The following SLC24A2 variants were observed in gnomAD, a reference collection of about 807,000 sequenced individuals.
SLC24A2 encodes the protein solute carrier family 24 member 2, also known as sodium/potassium/calcium exchanger 2.
In SLC24A2, 36 loss-of-function variants were observed where a neutral mutation model predicts 62.0. The observed-to-expected ratio is 0.58, with a 90% confidence interval of 0.44 to 0.77. The LOEUF (loss-of-function observed/expected upper bound fraction) is 0.77. Among genes scored for constraint, SLC24A2 ranks in the 30% least tolerant of loss-of-function variants. The probability of loss-of-function intolerance (pLI) is 0.00; values close to 1 mark genes in which losing one functional copy is unlikely to be tolerated. For missense variants in SLC24A2, 846 were observed against 817.9 expected (o/e 1.03, Z -0.42); for synonymous variants, 358 against 294.0 (o/e 1.22, Z -2.23).
chr9:19,513,175 T>TATATATATATAC lies in SLC24A2; in HGVS notation c.*2977_*2978insGTATATATATAT, dbSNP rs1491372485. 3 of 59,014 alleles carry TATATATATATAC rather than the reference T, an allele frequency of 5.1e-5. No individual in the cohort carries two copies. The highest frequency in any genetic ancestry group is 2.0e-4 in the African/African-American group (3 of 15,072). 3.7% of individuals were successfully genotyped at this position (59,014 alleles called of 1,614,324 possible). A position where few individuals can be genotyped will look rare whatever the true frequency, so the allele number is the denominator to read the frequency against. On this transcript the variant is annotated 3_prime_UTR_variant, in exon 11 of 11. Transcript: ENST00000341998. ...AAAGATATATATATATATATATATA[T>TATATATATATAC]GTATATATATATATATGTATATATT... is the stretch of plus-strand genomic sequence containing the variant.
intron 5 of SLC24A2, among the ~76,000 whole-genome samples, chr9:19,587,306 G>T (rs1235483187): frequency 6.6e-6 from 1 of 152,128 alleles, no homozygotes; most frequent in African/African-American, 2.4e-5. Context: ...TTGTAAAGTG[G>T]AAGATTTTAT....
the SLC24A2 span, among the ~76,000 whole-genome samples, chr9:19,820,054 TACAC>T: frequency 0.045 from 835 of 18,452 alleles, 29 homozygotes; most frequent in African/African-American, 0.067. Context: ...TATATATATA[TACAC>T]ATATATATAT....
intron 8 of SLC24A2, among the ~76,000 whole-genome samples, chr9:19,533,724 T>A (rs959103839): frequency 6.6e-6 from 1 of 152,160 alleles, no homozygotes; most frequent in South Asian, 2.1e-4. Context: ...ACAACCCAAA[T>A]TGCCAATTCA....
At chr9:20,173,947 C>CA in the SLC24A2 span, among the ~76,000 whole-genome samples, 1 of 151,982 alleles carries the variant, frequency 6.6e-6, no homozygotes, top group Non-Finnish European at 1.5e-5. Flanking sequence ...TAATTTCAAA[C>CA]TATACTAGAA....
rs1160457308 is a variant in SLC24A2, at chr9:19,511,964, C to G, written c.*4189G>C. ...TGCCATCAGACCCATGTTAGATAGT[C>G]CAACGCAGTAATTTCTGCAGAGCAT... On this transcript the variant is annotated 3_prime_UTR_variant, in exon 11 of 11. Transcript: ENST00000341998. 2.0e-5 allele frequency: 3 copies of G among 152,196 alleles called. No homozygotes were observed. In the East Asian group the frequency reaches 5.8e-4, roughly 29 times the overall value. 9.4% of individuals were successfully genotyped at this position (152,196 alleles called of 1,614,324 possible).
the SLC24A2 span, among the ~76,000 whole-genome samples, chr9:20,000,633 C>T: frequency 6.6e-6 from 1 of 152,160 alleles, no homozygotes; most frequent in Non-Finnish European, 1.5e-5. Context: ...TCTCTTCTCC[C>T]GCAGTCTCCA....
chr9:19,541,962 C>T (rs773111591), intron 8 of SLC24A2, among the ~76,000 whole-genome samples: 18 of 152,188 alleles, frequency 1.2e-4, no homozygotes, highest in Non-Finnish European at 2.2e-4. Flanking sequence ...GGGAGTGACC[C>T]GATTTTCCAG....
At chr9:20,251,266 C>T in the SLC24A2 span, among the ~76,000 whole-genome samples, 5 of 152,152 alleles carry the variant, frequency 3.3e-5, no homozygotes, top group Non-Finnish European at 7.3e-5. Flanking sequence ...GCAAGGTCCC[C>T]CAGGTTTGTC....
At chr9:19,850,103 G>A in the SLC24A2 span, among the ~76,000 whole-genome samples, 1 of 150,408 alleles carries the variant, frequency 6.6e-6, no homozygotes, top group Non-Finnish European at 1.5e-5. Context: ...TTATAAGAAT[G>A]CTCTCCTGAA....
chr9:19,873,781 A>T, the SLC24A2 span, among the ~76,000 whole-genome samples: 20 of 152,264 alleles, frequency 1.3e-4, no homozygotes, highest in South Asian at 1.0e-3. Context: ...GGGATAAAGT[A>T]TATTACACAG....
At position 19,577,243 on chromosome 9, in the gene SLC24A2, T is replaced by C. The variant is rs3780216; in HGVS notation, c.1130-221A>G. Among the ~76,000 whole-genome samples, 5,500 of 152,180 alleles carry C rather than the reference T, an allele frequency of 0.036. 371 individuals are homozygous for C. Among genetic ancestry groups the C allele is most frequent in the East Asian group, 0.32 (1,630 of 5,146 alleles). On this transcript the variant is annotated intron_variant, in intron 5 of 10. Transcript: ENST00000341998. Reference sequence around the variant, plus strand: ...GAGAATCTCTTCCCTCCCTTCCCAGTTGCTCACAAAATTAACAAAAGCACC... The same window carrying C: ...GAGAATCTCTTCCCTCCCTTCCCAGCTGCTCACAAAATTAACAAAAGCACC...
chr9:19,553,553 G>A (rs1247960783), intron 7 of SLC24A2, among the ~76,000 whole-genome samples: 1 of 152,186 alleles, frequency 6.6e-6, no homozygotes, highest in Non-Finnish European at 1.5e-5. Context: ...AAAAACATAT[G>A]ACTTTAAGTT....
At chr9:19,683,073 G>C (rs993737250) in intron 2 of SLC24A2, among the ~76,000 whole-genome samples, 1 of 152,022 alleles carries the variant, frequency 6.6e-6, no homozygotes, top group African/African-American at 2.4e-5. Context: ...TAATGCTGAT[G>C]CAAAATTTCA....
chr9:19,706,504 C>T (rs1038155649), intron 2 of SLC24A2, among the ~76,000 whole-genome samples: 33 of 151,930 alleles, frequency 2.2e-4, no homozygotes, highest in African/African-American at 7.0e-4. Context: ...CTCAGCCTCC[C>T]GTGTAGCTGG....
chr9:20,030,889 G>A, the SLC24A2 span, among the ~76,000 whole-genome samples: 4 of 152,048 alleles, frequency 2.6e-5, no homozygotes, highest in East Asian at 7.7e-4. Context: ...GTAGCTAAGT[G>A]ATGACTCCAC....
the SLC24A2 span, among the ~76,000 whole-genome samples, chr9:19,964,340 G>A: frequency 1.3e-5 from 2 of 151,924 alleles, no homozygotes; most frequent in Admixed American, 6.6e-5. Context: ...TGCACATTGT[G>A]CACATGTACC....
the SLC24A2 span, among the ~76,000 whole-genome samples, chr9:20,114,110 T>A: frequency 2.6e-5 from 4 of 152,292 alleles, no homozygotes; most frequent in East Asian, 7.7e-4. Context: ...TGATTGAGTC[T>A]GCATGGCAGT....
At chr9:19,558,210 GA>G (rs1409610676) in intron 7 of SLC24A2, among the ~76,000 whole-genome samples, 3 of 152,234 alleles carry the variant, frequency 2.0e-5, no homozygotes, top group Admixed American at 2.0e-4. Flanking sequence ...ATGAAGGGCA[GA>G]CCTGGGGGTG....
chr9:20,214,417 C>G, the SLC24A2 span, among the ~76,000 whole-genome samples: 2 of 152,058 alleles, frequency 1.3e-5, no homozygotes, highest in Non-Finnish European at 2.9e-5. Flanking sequence ...ATAAGACCAT[C>G]CTGGCTAACA....
Sources: allele counts gnomAD v4.1 joint callset (sites outside exome capture counted in the v4.1 genomes callset), GRCh38; gene constraint gnomAD v4.1.1; transcripts MANE v1.5; gene names NCBI Gene and HGNC (gene_info 2026-07-23, HGNC 2026-07-21).